DACH2: variants seen among roughly 807,000 people sequenced by gnomAD.
DACH2 encodes dachshund family transcription factor 2.
Under a neutral mutation model 35.8 loss-of-function variants are expected in DACH2, and 17 were observed. The ratio of observed to expected loss-of-function variants is 0.48; its 90% CI spans 0.33 to 0.71. The LOEUF (loss-of-function observed/expected upper bound fraction) is 0.71. Among genes scored for constraint, DACH2 ranks in the 30% least tolerant of loss-of-function variants. DACH2 has a pLI of 0.02. For synonymous variants in DACH2, 195 were observed against 177.3 expected (o/e 1.10, Z -0.79); for missense variants, 469 against 472.7 (o/e 0.99, Z 0.07).
chrX:86,820,641 T>C (rs952701913), intron 11 of DACH2, among the ~76,000 whole-genome samples: 1 of 111,375 alleles, frequency 9.0e-6, no homozygotes, highest in Admixed American at 9.6e-5. Context: ...AATATCATTT[T>C]AACATCTATT....
intron 11 of DACH2, 49 bp from the exon 12 acceptor site, chrX:86,832,057 T>TATC (rs1569487601): frequency 2.3e-6 from 2 of 887,311 alleles, no homozygotes; most frequent in African/African-American, 2.0e-5. Flanking sequence ...TTTAAGCACG[T>TATC]ATCAGAATGA....
In DACH2 at chrX:86,695,049, T is replaced by C. The variant is rs377500654; in HGVS notation, c.801T>C (p.Asp267=). Residue 267 remains aspartate (D), a synonymous_variant, in exon 5 of 12, where the codon GAT becomes GAC. Transcript: ENST00000373125. ...GAAGTGAATCCTCCTGGGATAAAGA[T>C]AAGATGCAGTCTCCATTTGCTGCAC... is the stretch of plus-strand genomic sequence containing the variant. ...TGGSESSWDK[D]KMQSPFAAPG... The C allele has an allele frequency of 1.8e-6, 2 of 1,122,010 alleles. No homozygotes were observed. Among genetic ancestry groups the C allele is most frequent in the African/African-American group, 3.7e-5 (2 of 53,854 alleles). 92.5% of individuals were successfully genotyped at this position (1,122,010 alleles called of 1,213,427 possible).
In DACH2 at chrX:86,148,814, C is replaced by T; in HGVS notation, c.194C>T (p.Thr65Ile). 8.3e-7 allele frequency: 1 copy of T among 1,211,723 alleles called. No individual in the cohort carries two copies. The highest frequency in any genetic ancestry group is 3.0e-5 in the East Asian group (1 of 33,812). ...GGCGGCGGCAGGGGCAACACCAACA[C>T]CAACGAGTGCCGCATGGTCGACATG... ...AGGGGRGNTN[T>I]NECRMVDMHG... The change falls in exon 1 of 12, where the codon ACC becomes ATC. Residue 65 changes from threonine (T) to isoleucine (I), a missense_variant. Physicochemically the swap from Thr to Ile is moderately conservative, Grantham distance 89. Around this residue, in one of 3 missense-constraint regions of DACH2, gnomAD observed 99 missense variants for 114.3 expected, o/e 0.87. Coordinates refer to ENST00000373125, the MANE Select transcript of DACH2 (RefSeq NM_053281.3).
intron 7 of DACH2, among the ~76,000 whole-genome samples, chrX:86,762,178 A>G (rs2041890224): frequency 9.0e-6 from 1 of 111,391 alleles, no homozygotes. Flanking sequence ...AAAGATTCAA[A>G]CAATCATAGA....
intron 1 of DACH2, among the ~76,000 whole-genome samples, chrX:86,292,313 TC>T (rs1388000590): frequency 2.0e-5 from 2 of 99,739 alleles, no homozygotes; most frequent in African/African-American, 3.8e-5. Context: ...GATTCTTCTC[TC>T]TCTTTTTCTT....
At chrX:86,370,648 T>C (rs1385832234) in intron 1 of DACH2, among the ~76,000 whole-genome samples, 3 of 111,506 alleles carry the variant, frequency 2.7e-5, no homozygotes, top group Non-Finnish European at 5.7e-5. Flanking sequence ...AACAGAAACA[T>C]TGTAGACAAA....
Position 86,199,755 on chromosome X carries a change from TAC to T in DACH2, c.488+50649_488+50650del, listed in dbSNP as rs2032097012. On this transcript the variant is annotated intron_variant, in intron 1 of 11. Coordinates refer to ENST00000373125, the MANE Select transcript of DACH2 (RefSeq NM_053281.3). ...GCTAATCAGAAAGGTGAAAGATCTC[TAC>T]AAGGAGAACTACAAACAACTGCTTA... Among the ~76,000 whole-genome samples the T allele has an allele frequency of 2.7e-5, 3 of 111,515 alleles. No homozygotes were observed. The Middle Eastern group carries it at 0.014, about 519-fold the overall frequency.
chrX:86,714,664 G>T lies in DACH2; in HGVS notation c.1048G>T (p.Ala350Ser), dbSNP rs1483862504. 1 of 1,206,831 alleles carries T rather than the reference G, an allele frequency of 8.3e-7. No homozygotes were observed. The highest frequency in any genetic ancestry group is 1.1e-6 in the Non-Finnish European group (1 of 892,136). Residue 350 changes from alanine to serine, a missense_variant, in exon 6 of 12, where the codon GCT becomes TCT. Ala to Ser is a moderately conservative substitution (Grantham distance 99). Coordinates refer to ENST00000373125, the MANE Select transcript of DACH2 (RefSeq NM_053281.3). ...MNHLNTIANM[A>S]AAAQIHSPLS... ...CCATCTCAATACTATTGCCAACATG[G>T]CTGCTGCAGCACAGATTCACAGTCC...
At chrX:86,493,156 GATA>G (rs1391399866) in intron 2 of DACH2, among the ~76,000 whole-genome samples, 1 of 110,549 alleles carries the variant, frequency 9.0e-6, no homozygotes, top group Non-Finnish European at 1.9e-5. Flanking sequence ...TTTACTTTTT[GATA>G]ATAACCATTC....
chrX:86,394,635 A>G (rs1342326426), intron 2 of DACH2, among the ~76,000 whole-genome samples: 3 of 111,871 alleles, frequency 2.7e-5, no homozygotes, highest in African/African-American at 9.7e-5. Context: ...GTAATGCCAA[A>G]CCTTTGAAGA....
intron 1 of DACH2, among the ~76,000 whole-genome samples, chrX:86,163,873 C>T (rs775277960): frequency 5.4e-5 from 6 of 110,956 alleles, no homozygotes; most frequent in South Asian, 3.8e-4. Flanking sequence ...TTGTGAATAG[C>T]GCTGCAATGA....
At chrX:86,344,408 A>T (rs1002526709) in intron 1 of DACH2, among the ~76,000 whole-genome samples, 3 of 108,048 alleles carry the variant, frequency 2.8e-5, no homozygotes, top group Non-Finnish European at 5.8e-5. Flanking sequence ...CCTCTTGTTA[A>T]TATCCTCTAC....
intron 3 of DACH2, among the ~76,000 whole-genome samples, chrX:86,609,729 T>C (rs1253867101): frequency 1.8e-5 from 2 of 111,764 alleles, no homozygotes; most frequent in Non-Finnish European, 3.8e-5. Flanking sequence ...ACCTTTCTGA[T>C]AGTTTTGGAC....
intron 7 of DACH2, among the ~76,000 whole-genome samples, chrX:86,800,353 A>T (rs1318723556): frequency 8.9e-6 from 1 of 112,031 alleles, no homozygotes; most frequent in Non-Finnish European, 1.9e-5. Context: ...CAGTCCCCAC[A>T]AACTAGAAAT....
chrX:86,642,995 A>T (rs771249724), intron 3 of DACH2, among the ~76,000 whole-genome samples: 2 of 110,597 alleles, frequency 1.8e-5, no homozygotes, highest in African/African-American at 6.5e-5. Flanking sequence ...ATGCCCACAT[A>T]AAAAAGTTAG....
chrX:86,725,069 G>A (rs367745521), intron 6 of DACH2, among the ~76,000 whole-genome samples: 8 of 104,753 alleles, frequency 7.6e-5, no homozygotes, highest in East Asian at 3.0e-4. Context: ...GGTAAATTTC[G>A]CATTTATGTC....
At chrX:86,400,425 G>A (rs1412581153) in intron 2 of DACH2, among the ~76,000 whole-genome samples, 1 of 111,852 alleles carries the variant, frequency 8.9e-6, no homozygotes, top group African/African-American at 3.3e-5. Context: ...CTAGTGAGGA[G>A]CTGCGTTCCT....
At chrX:86,285,146 G>T (rs1255098196) in intron 1 of DACH2, among the ~76,000 whole-genome samples, 1 of 110,624 alleles carries the variant, frequency 9.0e-6, no homozygotes, top group Non-Finnish European at 1.9e-5. Flanking sequence ...TGTTTCATTC[G>T]TTTTTTGCAT....
intron 7 of DACH2, among the ~76,000 whole-genome samples, chrX:86,758,165 G>A (rs2147279867): frequency 9.0e-6 from 1 of 111,135 alleles, no homozygotes; most frequent in African/African-American, 3.3e-5. Flanking sequence ...CCTGGTTAAT[G>A]TAGCAAGTGG....
Sources: allele counts gnomAD v4.1 joint callset (sites outside exome capture counted in the v4.1 genomes callset), GRCh38; gene constraint gnomAD v4.1.1; regional missense constraint gnomAD v4.1.1; transcripts MANE v1.5; gene names NCBI Gene and HGNC (gene_info 2026-07-23, HGNC 2026-07-21).